Variants in PTTG1IP observed in about 807,000 individuals in gnomAD.
The protein encoded by PTTG1IP is PTTG1 interacting protein.
A neutral mutation model predicts 24.4 loss-of-function variants in PTTG1IP; 16 were observed. The ratio of observed to expected loss-of-function variants is 0.66; its 90% CI spans 0.44 to 1.00. The LOEUF (loss-of-function observed/expected upper bound fraction) is 1.00, where lower values mean the gene tolerates loss of function less well. Among genes scored for constraint, PTTG1IP ranks in the 50% least tolerant of loss-of-function variants. The pLI, the probability that PTTG1IP is intolerant of heterozygous loss-of-function variation, is 0.00. For missense variants in PTTG1IP, 241 were observed against 245.8 expected (o/e 0.98, Z 0.13); for synonymous variants, 89 against 96.8 (o/e 0.92, Z 0.47).
chr21:44,858,684 T>A (rs1388143789), intron 3 of PTTG1IP, among the ~76,000 whole-genome samples: 1 of 152,100 alleles, frequency 6.6e-6, no homozygotes, highest in African/African-American at 2.4e-5. Context: ...CAGGGCTGGG[T>A]GTTGTGTGTC....
intron 2 of PTTG1IP, among the ~76,000 whole-genome samples, chr21:44,863,413 C>T (rs999476626): frequency 3.3e-5 from 5 of 152,310 alleles, no homozygotes; most frequent in Non-Finnish European, 7.3e-5. Context: ...CAAGAGCACA[C>T]CCACACACGC....
rs562689580 is a variant in PTTG1IP at position 44,860,264 on chromosome 21, G to C, written c.277+899C>G. 4.8e-4 allele frequency among the ~76,000 whole-genome samples: 73 copies of C among 152,268 alleles called. 1 individual carries two copies. In the East Asian group the frequency reaches 0.013, roughly 28 times the overall value. On this transcript the variant is annotated intron_variant, in intron 3 of 5. Transcript: ENST00000330938. ...GGCACCTGTAGTCCCAGCTACTCAG[G>C]AGGCTGAGGCAGGAGAATGGCGTGA...
At chr21:44,862,295 G>A (rs1973876) in intron 2 of PTTG1IP, among the ~76,000 whole-genome samples, 28,934 of 152,250 alleles carry the variant, frequency 0.19, 3,425 homozygotes, top group South Asian at 0.3. Context: ...CCAGGAGGGC[G>A]GATCACCTGA....
At position 44,856,280 on chromosome 21, in the gene PTTG1IP, C is replaced by T. The variant is rs375347383; in HGVS notation, c.362G>A (p.Cys121Tyr). The T allele has an allele frequency of 3.2e-6, 5 of 1,551,446 alleles. No homozygotes were observed. The African/African-American group carries it at 5.5e-5, about 17-fold the overall frequency. ...CGGCTTCCGGCTCCTCTTCCTCCTG[C>T]AGCAGCAGCAGCAGCAGATGGCAAT... ...LGIAICCCCC[C>Y]RRKRSRKPDR... The change falls in exon 4 of 6, where the codon TGC becomes TAC. Residue 121 changes from cysteine to tyrosine, a missense_variant. Cys to Tyr is a radical substitution (Grantham distance 194). Coordinates refer to ENST00000330938, the MANE Select transcript of PTTG1IP (RefSeq NM_004339.4).
chr21:44,861,128 G>T, intron 3 of PTTG1IP, 35 bp downstream of exon 3: 1 of 1,568,004 alleles, frequency 6.4e-7, no homozygotes, highest in Non-Finnish European at 8.8e-7. Flanking sequence ...AAGAAGCATC[G>T]ATTTTGCAAG....
At chr21:44,854,062 G>A (rs182583437) in intron 5 of PTTG1IP, among the ~76,000 whole-genome samples, 1 of 152,280 alleles carries the variant, frequency 6.6e-6, no homozygotes, top group East Asian at 1.9e-4. Flanking sequence ...GCAGCATGGG[G>A]CCTCTGCAGC....
chr21:44,852,526 A>T (rs2083419010), intron 5 of PTTG1IP, among the ~76,000 whole-genome samples: 1 of 152,148 alleles, frequency 6.6e-6, no homozygotes, highest in Non-Finnish European at 1.5e-5. Context: ...AATTATCTGC[A>T]GCGATTACAA....
intron 5 of PTTG1IP, among the ~76,000 whole-genome samples, chr21:44,854,416 G>C (rs984689375): frequency 1.3e-5 from 2 of 152,170 alleles, no homozygotes; most frequent in African/African-American, 2.4e-5. Flanking sequence ...GCACAGGCGA[G>C]GAGTCAGTTC....
At chr21:44,861,831 A>G in intron 2 of PTTG1IP, 1 of 717,560 alleles carries the variant, frequency 1.4e-6, no homozygotes, top group African/African-American at 1.7e-5. Context: ...AGCCTGGCCC[A>G]TCACAGGCAC....
intron 3 of PTTG1IP, among the ~76,000 whole-genome samples, chr21:44,856,898 G>A (rs907587190): frequency 7.9e-5 from 12 of 152,092 alleles, no homozygotes; most frequent in African/African-American, 2.7e-4. Context: ...GTGGAGGAGC[G>A]GACGAGACCA....
chr21:44,856,409 A>G, intron 3 of PTTG1IP, 45 bp from the exon 4 acceptor site: 1 of 1,571,008 alleles, frequency 6.4e-7, no homozygotes, highest in Non-Finnish European at 8.7e-7. Flanking sequence ...CAGACACAGA[A>G]CCCACCCAGC....
intron 1 of PTTG1IP, among the ~76,000 whole-genome samples, chr21:44,868,165 G>GA (rs1164766311): frequency 1.3e-5 from 2 of 152,218 alleles, no homozygotes; most frequent in African/African-American, 4.8e-5. Context: ...AATCACTGCT[G>GA]AGAGACAGGG....
intron 1 of PTTG1IP, 71 bp from the exon 2 acceptor site, chr21:44,865,518 AGGGTGGGCACCAGTGAG>A: frequency 6.6e-6 from 10 of 1,521,814 alleles, no homozygotes; most frequent in Non-Finnish European, 8.2e-6. Context: ...CCAGCAGGGC[AGGGTGGGCACCAGTGAG>A]GGGTGTGGCA....
Position 44,849,738 on chromosome 21 carries a change from G to C in PTTG1IP, c.*1843C>G, listed in dbSNP as rs539866559. ...ATGGACGAAGACCGACCTTACAGAC[G>C]TGGGTTTCTACACTGAGCGCAAGGG... On this transcript the variant is annotated 3_prime_UTR_variant, in exon 6 of 6. Transcript: ENST00000330938. The C allele has an allele frequency of 4.6e-5, 7 of 152,448 alleles. No individual in the cohort carries two copies. The highest frequency in any genetic ancestry group is 4.6e-4 in the Admixed American group (7 of 15,280). 9.4% of individuals were successfully genotyped at this position (152,448 alleles called of 1,614,324 possible). A position where few individuals can be genotyped will look rare whatever the true frequency, so the allele number is the denominator to read the frequency against.
intron 2 of PTTG1IP, among the ~76,000 whole-genome samples, chr21:44,863,805 A>T (rs2083512899): frequency 6.6e-6 from 1 of 152,252 alleles, no homozygotes; most frequent in Admixed American, 6.5e-5. Context: ...AGCGTCTTTC[A>T]ATTTTTAATC....
intron 2 of PTTG1IP, chr21:44,862,063 A>T: frequency 1.8e-6 from 1 of 564,166 alleles, no homozygotes; most frequent in South Asian, 2.0e-5. Flanking sequence ...TGGTGTGGAG[A>T]CAACACCATC....
chr21:44,865,791 A>C (rs1300146784), intron 1 of PTTG1IP: 3 of 374,282 alleles, frequency 8.0e-6, no homozygotes, highest in Non-Finnish European at 1.5e-5. Flanking sequence ...GTAATCACTA[A>C]CCACAAACCT....
chr21:44,861,672 C>T, intron 2 of PTTG1IP: 1 of 713,762 alleles, frequency 1.4e-6, no homozygotes, highest in South Asian at 1.5e-5. Context: ...CTGGATGGGC[C>T]CTGCCTCGAT....
chr21:44,873,351 C>T, intron 1 of PTTG1IP, 151 bp downstream of exon 1: 1 of 784,748 alleles, frequency 1.3e-6, no homozygotes, highest in Non-Finnish European at 1.7e-6. Flanking sequence ...GCGTGACCCT[C>T]GAGGAGCCTC....
Sources: allele counts gnomAD v4.1 joint callset (sites outside exome capture counted in the v4.1 genomes callset), GRCh38; gene constraint gnomAD v4.1.1; transcripts MANE v1.5; gene names NCBI Gene and HGNC (gene_info 2026-07-23, HGNC 2026-07-21).